ERICH1: variants seen among roughly 807,000 people sequenced by gnomAD.
The protein encoded by ERICH1 is glutamate rich 1.
Under a neutral mutation model 39.6 loss-of-function variants are expected in ERICH1, and 56 were observed. The observed-to-expected ratio is 1.41, with a 90% confidence interval of 1.14 to 1.77. The LOEUF (loss-of-function observed/expected upper bound fraction) is 1.77. Ranked by LOEUF, ERICH1 falls within the 40% of genes most tolerant of loss-of-function variation. The pLI is 0.00. For synonymous variants in ERICH1, 313 were observed against 223.6 expected (o/e 1.40, Z -3.57); for missense variants, 826 against 575.4 (o/e 1.44, Z -4.45).
chr8:684,697 C>A (rs1412946278), intron 3 of ERICH1, among the ~76,000 whole-genome samples: 1 of 152,044 alleles, frequency 6.6e-6, no homozygotes. Flanking sequence ...TAAGCATCGG[C>A]CAGTCTGAGA....
At chr8:619,748 A>C (rs1797162103) in intron 3 of ERICH1, among the ~76,000 whole-genome samples, 1 of 152,202 alleles carries the variant, frequency 6.6e-6, no homozygotes. Flanking sequence ...ACAAAAAAGA[A>C]GTCTATGGAA....
intron 3 of ERICH1, among the ~76,000 whole-genome samples, chr8:686,923 G>A (rs747361781): frequency 6.8e-6 from 1 of 146,738 alleles, no homozygotes; most frequent in Non-Finnish European, 1.5e-5. Context: ...CCTTGAGAGG[G>A]TGAGATGCGA....
intron 3 of ERICH1, chr8:640,491 G>GT (rs1240806189): frequency 6.6e-6 from 1 of 152,200 alleles, no homozygotes; most frequent in Non-Finnish European, 1.5e-5. Context: ...TAAGACCGCT[G>GT]CTTTCCAGTC....
chr8:654,699 G>A (rs1222813025), intron 3 of ERICH1, among the ~76,000 whole-genome samples: 1 of 152,190 alleles, frequency 6.6e-6, no homozygotes, highest in Non-Finnish European at 1.5e-5. Context: ...GGCCACCACA[G>A]TGACATCCCC....
At chr8:698,503 G>A (rs1016620117) in intron 2 of ERICH1, among the ~76,000 whole-genome samples, 1 of 152,136 alleles carries the variant, frequency 6.6e-6, no homozygotes, top group African/African-American at 2.4e-5. Context: ...ACAGGTGAGA[G>A]CCACCGTGCC....
At chr8:685,335 G>A (rs906998463) in intron 3 of ERICH1, among the ~76,000 whole-genome samples, 3 of 152,208 alleles carry the variant, frequency 2.0e-5, no homozygotes, top group African/African-American at 7.2e-5. Flanking sequence ...CTTGTTCCCT[G>A]AACATCGCTG....
chr8:729,967 T>C (rs1245219924), intron 1 of ERICH1, among the ~76,000 whole-genome samples: 1 of 152,228 alleles, frequency 6.6e-6, no homozygotes, highest in African/African-American at 2.4e-5. Context: ...AAACCTGCAG[T>C]AGCAAGAAGC....
chr8:714,043 G>A (rs1472689067), intron 2 of ERICH1, among the ~76,000 whole-genome samples: 9 of 82,650 alleles, frequency 1.1e-4, no homozygotes, highest in Admixed American at 9.9e-4. Context: ...GCACCCAGGC[G>A]GCCTCTTCCC....
chr8:668,851 G>C (rs1281491402), intron 4 of ERICH1, 59 bp from the exon 5 acceptor site: 1 of 1,476,230 alleles, frequency 6.8e-7, no homozygotes, highest in Non-Finnish European at 9.1e-7. Context: ...ATAAACTAAA[G>C]ATAAGCTTTC....
chr8:709,609 T>A (rs1042828672), intron 2 of ERICH1, among the ~76,000 whole-genome samples: 3 of 152,260 alleles, frequency 2.0e-5, no homozygotes, highest in African/African-American at 7.2e-5. Flanking sequence ...ATCTTACAGA[T>A]GCCACTGAAA....
intron 3 of ERICH1, among the ~76,000 whole-genome samples, chr8:649,955 G>C (rs1799734351): frequency 6.6e-6 from 1 of 152,182 alleles, no homozygotes; most frequent in Non-Finnish European, 1.5e-5. Context: ...GGGAGAAGAC[G>C]GCAGCCGCGA....
intron 3 of ERICH1, among the ~76,000 whole-genome samples, chr8:620,994 C>A (rs190047935): frequency 1.3e-5 from 2 of 152,294 alleles, no homozygotes; most frequent in Non-Finnish European, 2.9e-5. Context: ...AAAACGTTCT[C>A]CACGACTGAC....
intron 3 of ERICH1, among the ~76,000 whole-genome samples, chr8:690,526 C>T (rs1407381523): frequency 3.3e-5 from 5 of 152,244 alleles, no homozygotes; most frequent in South Asian, 2.1e-4. Context: ...AGTGCCGCTG[C>T]GGGGGCCTAG....
intron 2 of ERICH1, among the ~76,000 whole-genome samples, chr8:714,010 G>A (rs867167795): frequency 3.7e-5 from 3 of 80,852 alleles, no homozygotes; most frequent in South Asian, 4.6e-4. Flanking sequence ...GGCCTCTTCC[G>A]GCATCTCTCG....
chr8:702,459 G>C (rs1328154126), intron 2 of ERICH1, among the ~76,000 whole-genome samples: 1 of 152,178 alleles, frequency 6.6e-6, no homozygotes, highest in Non-Finnish European at 1.5e-5. Context: ...AACTCCCTGA[G>C]TGCAGACACA....
At chr8:654,355 T>C (rs1343011412) in intron 3 of ERICH1, among the ~76,000 whole-genome samples, 1 of 152,076 alleles carries the variant, frequency 6.6e-6, no homozygotes, top group Non-Finnish European at 1.5e-5. Flanking sequence ...GGAAGCTCCT[T>C]CAGAGGCTTG....
intron 1 of ERICH1, chr8:725,458 G>A (rs1417937764): frequency 2.0e-5 from 3 of 152,492 alleles, no homozygotes; most frequent in African/African-American, 7.2e-5. Context: ...TGACCTCGGT[G>A]GCCATCCCCA....
chr8:703,120 C>A (rs1053878071), intron 2 of ERICH1, among the ~76,000 whole-genome samples: 1 of 152,214 alleles, frequency 6.6e-6, no homozygotes, highest in Non-Finnish European at 1.5e-5. Flanking sequence ...CCTCTCGTGT[C>A]CCCCTGTAAC....
intron 3 of ERICH1, among the ~76,000 whole-genome samples, chr8:616,910 G>C (rs1584920946): frequency 1.6e-5 from 1 of 64,326 alleles, no homozygotes; most frequent in South Asian, 5.5e-4. Context: ...CACAGAGAGA[G>C]AGAGAGAGAC....
Sources: allele counts gnomAD v4.1 joint callset (sites outside exome capture counted in the v4.1 genomes callset), GRCh38; gene constraint gnomAD v4.1.1; transcripts MANE v1.5; gene names NCBI Gene and HGNC (gene_info 2026-07-23, HGNC 2026-07-21).